Variants in CAB39L observed in about 807,000 individuals in gnomAD.
The protein encoded by CAB39L is calcium binding protein 39 like.
In CAB39L, 23 loss-of-function variants were observed where a neutral mutation model predicts 39.1. The observed-to-expected ratio is 0.59, with a 90% CI of 0.42 to 0.83. The LOEUF (loss-of-function observed/expected upper bound fraction) is 0.83, where lower values mean the gene tolerates loss of function less well. CAB39L is among the 40% of genes least tolerant of loss of function. The probability of loss-of-function intolerance (pLI) is 0.00; values close to 1 mark genes in which losing one functional copy is unlikely to be tolerated. For missense variants in CAB39L, 366 were observed against 391.9 expected (o/e 0.93, Z 0.56); for synonymous variants, 126 against 137.2 (o/e 0.92, Z 0.57).
intron 1 of CAB39L, among the ~76,000 whole-genome samples, chr13:49,435,592 C>T (rs1413746161): frequency 1.3e-5 from 2 of 152,162 alleles, no homozygotes; most frequent in Non-Finnish European, 2.9e-5. Context: ...CCTCCGCCTC[C>T]CAGGTTCAAG....
intron 3 of CAB39L, among the ~76,000 whole-genome samples, chr13:49,430,057 T>A (rs1296337825): frequency 1.3e-5 from 2 of 152,250 alleles, no homozygotes; most frequent in African/African-American, 4.8e-5. Flanking sequence ...TTTTGTTTTT[T>A]CACTCCAAAA....
At chr13:49,316,320 A>G (rs1327109429) in intron 10 of CAB39L, among the ~76,000 whole-genome samples, 1 of 152,206 alleles carries the variant, frequency 6.6e-6, no homozygotes, top group Non-Finnish European at 1.5e-5. Context: ...GACCTCTGAC[A>G]AGAGATCAAA....
intron 10 of CAB39L, among the ~76,000 whole-genome samples, chr13:49,321,414 T>C (rs1335181410): frequency 1.3e-5 from 2 of 152,228 alleles, no homozygotes; most frequent in Non-Finnish European, 2.9e-5. Flanking sequence ...CTGGGCATTG[T>C]GCTAAACAGT....
At chr13:49,413,222 A>G (rs954469832) in intron 3 of CAB39L, among the ~76,000 whole-genome samples, 5 of 152,244 alleles carry the variant, frequency 3.3e-5, no homozygotes, top group Non-Finnish European at 5.9e-5. Context: ...CAAGGGACCA[A>G]GGTATATTTT....
chr13:49,334,666 C>A lies in CAB39L; in HGVS notation c.691-2576G>T, dbSNP rs74074584. On this transcript the variant is annotated intron_variant, in intron 9 of 10. Coordinates refer to ENST00000409308, the MANE Select transcript of CAB39L (RefSeq NM_001079670.3). ...TAAGGGCGTGTTTCAAATCCCCTTA[C>A]AACCTAACTGTGTGATGTGCATGGG... is the stretch of plus-strand genomic sequence containing the variant. Among the ~76,000 whole-genome samples, 539 of 152,316 alleles carry A rather than the reference C, an allele frequency of 3.5e-3. 4 individuals carry two copies. Among genetic ancestry groups the A allele is most frequent in the African/African-American group, 0.012 (501 of 41,570 alleles).
At chr13:49,350,210 AAAC>A (rs1455978649) in intron 7 of CAB39L, among the ~76,000 whole-genome samples, 4 of 152,234 alleles carry the variant, frequency 2.6e-5, no homozygotes, top group African/African-American at 2.4e-5. Context: ...GATGATTATG[AAAC>A]AACGACAATA....
intron 1 of CAB39L, among the ~76,000 whole-genome samples, chr13:49,443,519 C>T (rs1012053528): frequency 6.6e-5 from 10 of 152,142 alleles, no homozygotes; most frequent in African/African-American, 2.4e-4. Flanking sequence ...TCTTCTGAAC[C>T]TGAGGATAGT....
Position 49,336,660 on chromosome 13 carries a change from T to C in CAB39L, c.690+3017A>G, listed in dbSNP as rs534085928. Among the ~76,000 whole-genome samples the C allele has an allele frequency of 3.9e-5, 6 of 152,348 alleles. No homozygotes were observed. In the South Asian group the frequency reaches 1.0e-3, roughly 26 times the overall value. On this transcript the variant is annotated intron_variant, in intron 9 of 10. Transcript: ENST00000409308. Reference sequence around the variant, plus strand: ...TGGAGAATTTATGAGCAACTTCCTATATGCTGGACCTTCAGAGCACTGTCA... The same window carrying C: ...TGGAGAATTTATGAGCAACTTCCTACATGCTGGACCTTCAGAGCACTGTCA...
chr13:49,362,013 T>A (rs934567898), intron 5 of CAB39L, among the ~76,000 whole-genome samples: 11 of 152,080 alleles, frequency 7.2e-5, no homozygotes, highest in Non-Finnish European at 1.5e-4. Flanking sequence ...TTTTTGTTAT[T>A]TTTTTTCTGG....
In CAB39L at chr13:49,364,528, T is replaced by C. The variant is rs376893496; in HGVS notation, c.277-4696A>G. 5.3e-5 allele frequency among the ~76,000 whole-genome samples: 8 copies of C among 152,310 alleles called. No individual in the cohort carries two copies. In the South Asian group the frequency reaches 1.5e-3, roughly 28 times the overall value. On this transcript the variant is annotated intron_variant, in intron 5 of 10. Transcript: ENST00000409308. ...TCCTTGTTTGCAGATGATAAAACCT[T>C]ATATTTGGAAAAAACTAAAGACTCC...
intron 5 of CAB39L, among the ~76,000 whole-genome samples, chr13:49,364,327 T>A (rs1471927829): frequency 6.6e-6 from 1 of 151,854 alleles, no homozygotes; most frequent in Non-Finnish European, 1.5e-5. Context: ...GAAGGGCAAA[T>A]ATTATTAGAG....
chr13:49,385,355 C>T (rs184374081), intron 3 of CAB39L, among the ~76,000 whole-genome samples: 1 of 152,338 alleles, frequency 6.6e-6, no homozygotes, highest in East Asian at 1.9e-4. Context: ...CTGGACTAGG[C>T]TAAAGGGAAT....
At chr13:49,430,248 T>C (rs1284517069) in intron 3 of CAB39L, among the ~76,000 whole-genome samples, 4 of 152,212 alleles carry the variant, frequency 2.6e-5, no homozygotes, top group Non-Finnish European at 5.9e-5. Context: ...CTGCTATAGA[T>C]AGTTGGGCGG....
intron 3 of CAB39L, among the ~76,000 whole-genome samples, chr13:49,427,875 T>G (rs906255876): frequency 1.3e-5 from 2 of 152,294 alleles, no homozygotes; most frequent in Non-Finnish European, 2.9e-5. Flanking sequence ...CAGATGGCCA[T>G]CTTTTCGCTG....
intron 9 of CAB39L, among the ~76,000 whole-genome samples, chr13:49,336,801 T>C (rs945016481): frequency 2.6e-5 from 4 of 152,198 alleles, no homozygotes; most frequent in Non-Finnish European, 5.9e-5. Flanking sequence ...CGAGTTCTGT[T>C]CTTTACGTAT....
intron 3 of CAB39L, chr13:49,401,416 ACT>A (rs2068403587): frequency 6.6e-6 from 1 of 151,932 alleles, no homozygotes; most frequent in African/African-American, 2.4e-5. Flanking sequence ...GTAAATTTCC[ACT>A]CTCTTTGCTT....
chr13:49,369,010 G>C (rs188101810), intron 5 of CAB39L, among the ~76,000 whole-genome samples: 12 of 152,150 alleles, frequency 7.9e-5, no homozygotes, highest in East Asian at 3.9e-4. Context: ...AAATTAAAAA[G>C]GGGCAAAAGA....
intron 3 of CAB39L, among the ~76,000 whole-genome samples, chr13:49,422,671 A>G (rs990967505): frequency 9.2e-5 from 14 of 151,814 alleles, no homozygotes; most frequent in Middle Eastern, 3.4e-3. Context: ...CTGGTCTCAA[A>G]CTCCCAGGTT....
chr13:49,377,856 C>T (rs1205018078), intron 4 of CAB39L, among the ~76,000 whole-genome samples: 1 of 90,794 alleles, frequency 1.1e-5, no homozygotes, highest in African/African-American at 6.2e-5. Context: ...GCTGCCCAGT[C>T]TGGAAAGTGA....
Sources: gnomAD v4.1 joint callset for allele counts (sites outside exome capture counted in the v4.1 genomes callset) on GRCh38, gnomAD v4.1.1 for gene constraint, MANE v1.5 for transcripts, NCBI Gene and HGNC (gene_info 2026-07-23, HGNC 2026-07-21) for gene names.